The following ERC2 variants were observed in gnomAD, a reference collection of about 807,000 sequenced individuals.
The protein encoded by ERC2 is ELKS/RAB6-interacting/CAST family member 2, also known as ERC protein 2.
ERC2 carries 42 observed loss-of-function variants against 114.8 expected under a neutral mutation model. The ratio of observed to expected loss-of-function variants is 0.37; its 90% confidence interval spans 0.29 to 0.47. ERC2 has a LOEUF of 0.47. ERC2 is among the 20% of genes least tolerant of loss of function. The pLI, the probability that ERC2 is intolerant of heterozygous loss-of-function variation, is 0.99. For missense variants in ERC2, 939 were observed against 1,150.7 expected, an observed-to-expected ratio of 0.82 and a Z score of 2.66; for synonymous variants, 454 against 425.5, an observed-to-expected ratio of 1.07 and a Z score of -0.82.
chr3:56,241,705 C>T (rs2051335255), intron 3 of ERC2, among the ~76,000 whole-genome samples: 3 of 152,020 alleles, frequency 2.0e-5, no homozygotes, highest in East Asian at 1.9e-4. Flanking sequence ...TACTTTGGAC[C>T]ACCTTTCTCT....
intron 17 of ERC2, among the ~76,000 whole-genome samples, chr3:55,612,514 A>G (rs1250995231): frequency 6.6e-6 from 1 of 152,174 alleles, no homozygotes. Flanking sequence ...GTCATTCCTT[A>G]TTTATCAAGT....
chr3:55,740,430 T>G (rs1479359917), intron 14 of ERC2, among the ~76,000 whole-genome samples: 1 of 152,132 alleles, frequency 6.6e-6, no homozygotes, highest in African/African-American at 2.4e-5. Context: ...CTAAATAAAA[T>G]TAGTGTAACT....
intron 7 of ERC2, among the ~76,000 whole-genome samples, chr3:56,045,600 G>A (rs1384850076): frequency 1.3e-5 from 2 of 152,116 alleles, no homozygotes; most frequent in South Asian, 2.1e-4. Flanking sequence ...ATTCACAAAT[G>A]CTATACGGTA....
At chr3:55,543,187 C>T (rs1224053295) in intron 17 of ERC2, among the ~76,000 whole-genome samples, 4 of 152,130 alleles carry the variant, frequency 2.6e-5, no homozygotes, top group Non-Finnish European at 5.9e-5. Context: ...GCTGAAATAA[C>T]AGGGGCTGTG....
At chr3:56,467,507 G>T (rs1331267537) in intron 1 of ERC2, among the ~76,000 whole-genome samples, 1 of 152,180 alleles carries the variant, frequency 6.6e-6, no homozygotes, top group African/African-American at 2.4e-5. Flanking sequence ...AACCAAAGCA[G>T]CTCTTAATCT....
chr3:56,085,531 C>T (rs2077458242), intron 6 of ERC2, among the ~76,000 whole-genome samples: 1 of 152,174 alleles, frequency 6.6e-6, no homozygotes, highest in Non-Finnish European at 1.5e-5. Context: ...GGATCTTCCT[C>T]TTCCTAAATG....
chr3:56,079,387 T>G (rs2077123308), intron 7 of ERC2, among the ~76,000 whole-genome samples: 1 of 152,108 alleles, frequency 6.6e-6, no homozygotes, highest in Admixed American at 6.5e-5. Context: ...AGAATGAGAA[T>G]GTCCCCATAA....
chr3:56,272,364 C>T (rs1017701492), intron 3 of ERC2, among the ~76,000 whole-genome samples: 1 of 152,364 alleles, frequency 6.6e-6, no homozygotes, highest in South Asian at 2.1e-4. Flanking sequence ...ATCAGCATCA[C>T]CAAGGCTGTT....
chr3:56,442,917 T>C (rs1168594044), intron 1 of ERC2, among the ~76,000 whole-genome samples: 1 of 152,164 alleles, frequency 6.6e-6, no homozygotes, highest in Non-Finnish European at 1.5e-5. Context: ...ACTTTCTCCA[T>C]AAGAGCTTTC....
chr3:55,808,757 C>CAT (rs59418105), intron 14 of ERC2, among the ~76,000 whole-genome samples: 22,839 of 96,548 alleles, frequency 0.24, 2,717 homozygotes, highest in East Asian at 0.32. Context: ...TATAACTAAA[C>CAT]ATATATATAT....
At chr3:56,452,015 C>T (rs555606644) in intron 1 of ERC2, among the ~76,000 whole-genome samples, 1 of 152,220 alleles carries the variant, frequency 6.6e-6, no homozygotes, top group South Asian at 2.1e-4. Context: ...TTAACCTGGA[C>T]AAGAACTAAG....
At chr3:55,971,565 T>C (rs535083230) in intron 12 of ERC2, among the ~76,000 whole-genome samples, 2 of 152,270 alleles carry the variant, frequency 1.3e-5, no homozygotes, top group East Asian at 3.9e-4. Flanking sequence ...TTTTACAGTA[T>C]GTCTTGGACA....
Position 56,198,358 on chromosome 3 carries a change from T to C in ERC2, c.1075-24838A>G, listed in dbSNP as rs1458223453. On this transcript the variant is annotated intron_variant, in intron 3 of 17. Transcript: ENST00000288221. ...AATAGTCACAGAGGCAGTGTAAGGG[T>C]TTAAGATGGGTAGGACATGATCAAA... Among the ~76,000 whole-genome samples the C allele has an allele frequency of 1.4e-4, 22 of 152,118 alleles. No homozygotes were observed. The East Asian group carries it at 3.9e-3, about 27-fold the overall frequency.
intron 3 of ERC2, among the ~76,000 whole-genome samples, chr3:56,281,379 G>A (rs1035217272): frequency 2.6e-5 from 3 of 116,470 alleles, no homozygotes; most frequent in Admixed American, 1.0e-4. Context: ...GGAGCTTGCA[G>A]TGAGCCGAGA....
At chr3:56,378,002 C>T in intron 2 of ERC2, among the ~76,000 whole-genome samples, 1 of 152,188 alleles carries the variant, frequency 6.6e-6, no homozygotes, top group East Asian at 1.9e-4. Context: ...GTCACCAGAT[C>T]ACAAAACCAG....
intron 17 of ERC2, among the ~76,000 whole-genome samples, chr3:55,575,658 C>A (rs147813286): frequency 6.6e-6 from 1 of 152,330 alleles, no homozygotes; most frequent in Admixed American, 6.5e-5. Context: ...TCCCCACCAG[C>A]CACCATGATC....
At chr3:55,915,915 T>C (rs1380344662) in intron 13 of ERC2, among the ~76,000 whole-genome samples, 2 of 152,200 alleles carry the variant, frequency 1.3e-5, no homozygotes, top group Non-Finnish European at 2.9e-5. Context: ...TAAAAAATGA[T>C]TACAGATTTT....
intron 17 of ERC2, among the ~76,000 whole-genome samples, chr3:55,641,549 C>CAAAAAAAAAAAAAAAAAAAAA (rs57407975): frequency 3.5e-5 from 1 of 28,326 alleles, no homozygotes; most frequent in African/African-American, 1.5e-4. Context: ...GATTCTATCT[C>CAAAAAAAAAAAAAAAAAAAAA]AAAAAAAAAA....
chr3:55,997,937 T>G (rs2071718054), intron 10 of ERC2, among the ~76,000 whole-genome samples: 2 of 140,500 alleles, frequency 1.4e-5, no homozygotes, highest in African/African-American at 2.6e-5. Flanking sequence ...TTGTTTTTTT[T>G]TTTTTTTTGG....
Sources: gnomAD v4.1 joint callset for allele counts (sites outside exome capture counted in the v4.1 genomes callset) on GRCh38, gnomAD v4.1.1 for gene constraint, MANE v1.5 for transcripts, NCBI Gene and HGNC (gene_info 2026-07-23, HGNC 2026-07-21) for gene names.